Variants in AFF2 observed in about 807,000 individuals in gnomAD.
AFF2 encodes ALF transcription elongation factor 2.
Under a neutral mutation model 76.9 loss-of-function variants are expected in AFF2, and 14 were observed. The ratio of observed to expected loss-of-function variants is 0.18; its 90% confidence interval spans 0.12 to 0.28. The LOEUF (loss-of-function observed/expected upper bound fraction) is 0.28. Among genes scored for constraint, AFF2 ranks in the 10% least tolerant of loss-of-function variants. AFF2 has a pLI of 1.00. For synonymous variants in AFF2, 398 were observed against 366.7 expected, an observed-to-expected ratio of 1.09 and a Z score of -0.98; for missense variants, 868 against 1,001.1, an observed-to-expected ratio of 0.87 and a Z score of 1.79.
At chrX:148,830,669 T>C (rs182531240) in intron 4 of AFF2, among the ~76,000 whole-genome samples, 1 of 111,390 alleles carries the variant, frequency 9.0e-6, no homozygotes, top group Non-Finnish European at 1.9e-5. Flanking sequence ...AAATAGGGTG[T>C]GGGTCACAGA....
chrX:148,807,142 G>A (rs1385051326), intron 3 of AFF2, among the ~76,000 whole-genome samples: 3 of 112,145 alleles, frequency 2.7e-5, no homozygotes, highest in Admixed American at 9.5e-5. Context: ...TAGATGTGCT[G>A]CAAAGCTCCA....
At chrX:148,668,467 G>T (rs1228416548) in intron 3 of AFF2, among the ~76,000 whole-genome samples, 11 of 112,527 alleles carry the variant, frequency 9.8e-5, no homozygotes, top group Non-Finnish European at 1.9e-4. Context: ...GGTTCTCCAT[G>T]GGGGCCCCGC....
At chrX:148,717,759 G>A (rs1293345941) in intron 3 of AFF2, among the ~76,000 whole-genome samples, 2 of 111,136 alleles carry the variant, frequency 1.8e-5, no homozygotes, top group Non-Finnish European at 3.8e-5. Flanking sequence ...AGGAGGCAAT[G>A]TGCCTGGATG....
chrX:148,919,287 C>A (rs1179436439), intron 9 of AFF2, among the ~76,000 whole-genome samples: 1 of 110,937 alleles, frequency 9.0e-6, no homozygotes, highest in Non-Finnish European at 1.9e-5. Context: ...TAGCTCAGTT[C>A]CCAGTGGGCA....
At chrX:148,686,534 CA>C (rs781947670) in intron 3 of AFF2, among the ~76,000 whole-genome samples, 203 of 111,820 alleles carry the variant, frequency 1.8e-3, no homozygotes, top group Non-Finnish European at 3.4e-3. Flanking sequence ...ACTAGTGAAA[CA>C]GATGCCCGAC....
intron 1 of AFF2, among the ~76,000 whole-genome samples, chrX:148,631,228 C>T (rs1337283006): frequency 9.0e-6 from 1 of 111,712 alleles, no homozygotes; most frequent in Non-Finnish European, 1.9e-5. Context: ...ATGTAATGTA[C>T]CCTTTATCAG....
chrX:148,836,490 G>GA (rs150913573), intron 4 of AFF2, among the ~76,000 whole-genome samples: 7 of 110,562 alleles, frequency 6.3e-5, no homozygotes, highest in Non-Finnish European at 9.5e-5. Flanking sequence ...ATAAAGACTG[G>GA]AAAAAAACAA....
chrX:148,665,512 G>A (rs2124472588), intron 3 of AFF2, among the ~76,000 whole-genome samples: 1 of 111,516 alleles, frequency 9.0e-6, no homozygotes, highest in East Asian at 2.8e-4. Flanking sequence ...CTAAAGTCAG[G>A]GGCATATACA....
At chrX:148,686,252 C>G (rs73638176) in intron 3 of AFF2, among the ~76,000 whole-genome samples, 1 of 111,467 alleles carries the variant, frequency 9.0e-6, no homozygotes, top group East Asian at 2.8e-4. Flanking sequence ...ATCCAGAAAT[C>G]GAGCAATGGG....
intron 1 of AFF2, among the ~76,000 whole-genome samples, chrX:148,555,304 T>C (rs1364318292): frequency 8.9e-6 from 1 of 112,005 alleles, no homozygotes; most frequent in East Asian, 2.8e-4. Flanking sequence ...TGCAAAGGAT[T>C]AGTGAAGGGG....
chrX:148,723,473 A>G (rs1268191940), intron 3 of AFF2, among the ~76,000 whole-genome samples: 1 of 111,250 alleles, frequency 9.0e-6, no homozygotes, highest in Non-Finnish European at 1.9e-5. Context: ...TGAATTATTG[A>G]GAGCACATTA....
chrX:148,954,762 T>C (rs1454481728), intron 10 of AFF2, among the ~76,000 whole-genome samples: 1 of 111,838 alleles, frequency 8.9e-6, no homozygotes, highest in African/African-American at 3.3e-5. Flanking sequence ...TGATACAACT[T>C]CCTCAACCCT....
At chrX:148,981,957 T>C (rs1409431282) in intron 19 of AFF2, among the ~76,000 whole-genome samples, 1 of 111,877 alleles carries the variant, frequency 8.9e-6, no homozygotes, top group Non-Finnish European at 1.9e-5. Flanking sequence ...TTGAATTAGG[T>C]CTTACTCTTA....
intron 9 of AFF2, among the ~76,000 whole-genome samples, chrX:148,950,064 T>C (rs1388923998): frequency 8.9e-6 from 1 of 112,793 alleles, no homozygotes; most frequent in African/African-American, 3.2e-5. Flanking sequence ...AGTGAAGAAC[T>C]GAAAGTGACA....
Position 148,721,608 on chromosome X carries a change from G to A in AFF2, c.1041+58840G>A, listed in dbSNP as rs1437264896. Among the ~76,000 whole-genome samples the A allele has an allele frequency of 5.0e-4, 56 of 111,901 alleles. 1 individual carries two copies. The highest frequency in any genetic ancestry group is 1.7e-3 in the African/African-American group (52 of 30,757). On this transcript the variant is annotated intron_variant, in intron 3 of 20. Coordinates refer to ENST00000370460, the MANE Select transcript of AFF2 (RefSeq NM_002025.4). Reference sequence around the variant, plus strand: ...TCATCTGCCTAGGACCAACAGTGGAGGGCAGTGTAGAGGCATGATTTTATT... The same window carrying A: ...TCATCTGCCTAGGACCAACAGTGGAAGGCAGTGTAGAGGCATGATTTTATT...
At chrX:148,818,852 A>G (rs1226962032) in intron 4 of AFF2, among the ~76,000 whole-genome samples, 2 of 111,031 alleles carry the variant, frequency 1.8e-5, no homozygotes, top group Non-Finnish European at 1.9e-5. Context: ...TGCTTATTTC[A>G]TTACCCAGAG....
chrX:148,647,154 A>G (rs782025010), intron 1 of AFF2, among the ~76,000 whole-genome samples: 57 of 112,144 alleles, frequency 5.1e-4, no homozygotes, highest in Non-Finnish European at 8.5e-4. Context: ...AGTGAGTGAT[A>G]GCTTATGTTT....
At chrX:148,976,143 G>A (rs188310298) in intron 16 of AFF2, among the ~76,000 whole-genome samples, 4 of 110,655 alleles carry the variant, frequency 3.6e-5, no homozygotes, top group Non-Finnish European at 7.6e-5. Flanking sequence ...AGTCAATGGA[G>A]AATTTACGAG....
intron 9 of AFF2, among the ~76,000 whole-genome samples, chrX:148,928,862 C>A (rs1338889512): frequency 8.9e-6 from 1 of 112,358 alleles, no homozygotes; most frequent in African/African-American, 3.2e-5. Context: ...AGGCCTTATT[C>A]TCTTCTTATA....
Sources: allele counts gnomAD v4.1 joint callset (sites outside exome capture counted in the v4.1 genomes callset), GRCh38; gene constraint gnomAD v4.1.1; transcripts MANE v1.5; gene names NCBI Gene and HGNC (gene_info 2026-07-23, HGNC 2026-07-21).